DHX36: variants seen among roughly 807,000 people sequenced by gnomAD.
The protein encoded by DHX36 is DEAH-box helicase 36, also known as ATP-dependent DNA/RNA helicase DHX36.
In DHX36, 50 loss-of-function variants were observed where a neutral mutation model predicts 139.0. The ratio of observed to expected loss-of-function variants is 0.36; its 90% CI spans 0.29 to 0.46. DHX36 has a LOEUF of 0.46. DHX36 is among the 20% of genes least tolerant of loss of function. DHX36 has a pLI of 1.00. For missense variants in DHX36, 1,024 were observed against 1,211.3 expected (o/e 0.85, Z 2.29); for synonymous variants, 425 against 401.9 (o/e 1.06, Z -0.69).
At chr3:154,297,988 C>G (rs1712109466) in intron 12 of DHX36, among the ~76,000 whole-genome samples, 1 of 152,092 alleles carries the variant, frequency 6.6e-6, no homozygotes, top group Admixed American at 6.5e-5. Context: ...AATTTTCTCC[C>G]CATGATAGTG....
chr3:154,311,664 T>C lies in DHX36; in HGVS notation c.614A>G (p.Glu205Gly), dbSNP rs770821327. The C allele has an allele frequency of 1.9e-6, 3 of 1,596,572 alleles. No individual in the cohort carries two copies. The highest frequency in any genetic ancestry group is 2.6e-6 in the Non-Finnish European group (3 of 1,174,748). The change falls in exon 4 of 25, where the codon GAA becomes GGA. Residue 205 changes from glutamate (E) to glycine (G), a missense_variant. Physicochemically the swap from Glu to Gly is moderately conservative, Grantham distance 98. Around this residue, in one of 4 missense-constraint regions of DHX36, gnomAD observed 293 missense variants for 274.4 expected, o/e 1.07. Coordinates refer to ENST00000496811, the MANE Select transcript of DHX36 (RefSeq NM_020865.3). ...LRYIEMQHFR[E>G]KLPSYGMQKE... The stretch of plus-strand genomic sequence containing the variant: ...TTGCATTCCATACGAAGGCAGCTTT[T>C]CTCTGAAATGCTGAAATTTAAAAAA...
At chr3:154,285,237 T>G (rs1576858515) in intron 17 of DHX36, among the ~76,000 whole-genome samples, 1 of 152,046 alleles carries the variant, frequency 6.6e-6, no homozygotes, top group African/African-American at 2.4e-5. Flanking sequence ...ATACCAGAAA[T>G]GACAAACTTT....
At chr3:154,318,342 G>A (rs1450915870) in intron 1 of DHX36, among the ~76,000 whole-genome samples, 1 of 151,978 alleles carries the variant, frequency 6.6e-6, no homozygotes, top group Non-Finnish European at 1.5e-5. Context: ...TATCTGTTTA[G>A]TTAGAATATA....
chr3:154,287,510 C>A (rs1664885677), intron 17 of DHX36, among the ~76,000 whole-genome samples: 1 of 151,756 alleles, frequency 6.6e-6, no homozygotes, highest in Non-Finnish European at 1.5e-5. Context: ...CAAAAATTAG[C>A]CAGACATGGT....
intron 17 of DHX36, among the ~76,000 whole-genome samples, chr3:154,288,264 CA>C: frequency 6.8e-6 from 1 of 146,632 alleles, no homozygotes. Context: ...CCTCAAAGAA[CA>C]AAAAAACCAC....
chr3:154,316,408 T>A (rs1232844018), intron 1 of DHX36, among the ~76,000 whole-genome samples: 2 of 152,092 alleles, frequency 1.3e-5, no homozygotes, highest in Non-Finnish European at 2.9e-5. Flanking sequence ...CTAATATGAT[T>A]GGCAAAGAAA....
chr3:154,278,337 G>A (rs567179385), intron 22 of DHX36, among the ~76,000 whole-genome samples: 1 of 151,852 alleles, frequency 6.6e-6, no homozygotes, highest in East Asian at 1.9e-4. Context: ...ATTTGTAAAA[G>A]TCTTTAGTAT....
intron 14 of DHX36, among the ~76,000 whole-genome samples, chr3:154,293,285 C>A (rs1711894193): frequency 6.6e-6 from 1 of 152,220 alleles, no homozygotes. Flanking sequence ...GGTTAAAAAA[C>A]CCCCACAAAA....
In DHX36 at chr3:154,277,712, T is replaced by G. The variant is rs753284230; in HGVS notation, c.2574A>C (p.Lys858Asn). 1.3e-6 allele frequency: 2 copies of G among 1,597,384 alleles called. No individual in the cohort carries two copies. The highest frequency in any genetic ancestry group is 2.3e-5 in the South Asian group (2 of 87,600). Residue 858 changes from lysine (K) to asparagine (N), a missense_variant, in exon 23 of 25, where the codon AAA becomes AAC. Lys to Asn is a moderately conservative substitution (Grantham distance 94). Around this residue, in one of 4 missense-constraint regions of DHX36, gnomAD observed 470 missense variants for 616.2 expected, o/e 0.76. Coordinates refer to ENST00000496811, the MANE Select transcript of DHX36 (RefSeq NM_020865.3). ...LNLGKKRKMV[K>N]VYTKTDGLVA... The stretch of plus-strand genomic sequence containing the variant: ...CCAGGCCATCGGTTTTTGTGTAAAC[T>G]TTTACCCTTTAAAAAAAGTTAAAAT...
At position 154,273,889 on chromosome 3, in the gene DHX36, C is replaced by T. The variant is rs1719068415; in HGVS notation, c.*2282G>A. 2 of 152,170 alleles carry T rather than the reference C, an allele frequency of 1.3e-5. No homozygotes were observed. The highest frequency in any genetic ancestry group is 4.8e-5 in the African/African-American group (2 of 41,436). 9.4% of individuals were successfully genotyped at this position (152,170 alleles called of 1,614,324 possible). On this transcript the variant is annotated 3_prime_UTR_variant, in exon 25 of 25. Transcript: ENST00000496811. ...TTCCTGTTTCTTTCTGCAGCATGTC[C>T]AGCACTTTTACACCTTCTGTCAGAC...
intron 14 of DHX36, 46 bp from the exon 15 acceptor site, chr3:154,292,740 C>T (rs750665638): frequency 2.5e-6 from 4 of 1,583,614 alleles, no homozygotes; most frequent in South Asian, 1.1e-5. Context: ...CACACACACA[C>T]ACACACACAC....
chr3:154,317,055 C>T (rs1713016087), intron 1 of DHX36, among the ~76,000 whole-genome samples: 1 of 151,786 alleles, frequency 6.6e-6, no homozygotes, highest in Non-Finnish European at 1.5e-5. Context: ...AGTCAAAAAT[C>T]GAAAGAAAGA....
rs1290853684 is a variant in DHX36, at chr3:154,299,917, C to T, written c.1470G>A (p.Ala490=). The stretch of plus-strand genomic sequence containing the variant: ...CCCAGCCTGGCAGAAAGACCAGTAT[C>T]GCACCATCCTATATGAAGGGGAAAT... ...RYIVLEEEDG[A]ILVFLPGWDN... The change falls in exon 12 of 25, where the codon GCG becomes GCA. Residue 490 remains alanine, a synonymous_variant. Coordinates refer to ENST00000496811, the MANE Select transcript of DHX36 (RefSeq NM_020865.3). 9 of 1,610,944 alleles carry T rather than the reference C, an allele frequency of 5.6e-6. 1 individual carries two copies. The highest frequency in any genetic ancestry group is 2.2e-5 in the East Asian group (1 of 44,840).
At chr3:154,309,893 C>T (rs1167541281) in intron 4 of DHX36, 70 bp from the exon 5 acceptor site, 13 of 1,222,754 alleles carry the variant, frequency 1.1e-5, no homozygotes, top group East Asian at 5.3e-5. Flanking sequence ...AATCAAAATT[C>T]GACCAAACTG....
chr3:154,300,232 A>C (rs4303837), intron 11 of DHX36, among the ~76,000 whole-genome samples: 1 of 151,762 alleles, frequency 6.6e-6, no homozygotes, highest in Non-Finnish European at 1.5e-5. Flanking sequence ...CACGCCCAGC[A>C]AATTTTTGTA....
At chr3:154,287,142 A>T (rs1711572450) in intron 17 of DHX36, among the ~76,000 whole-genome samples, 1 of 152,232 alleles carries the variant, frequency 6.6e-6, no homozygotes, top group Non-Finnish European at 1.5e-5. Context: ...AACAAGGACA[A>T]AAAGAGATGA....
At chr3:154,317,314 A>G (rs1713024923) in intron 1 of DHX36, among the ~76,000 whole-genome samples, 1 of 152,208 alleles carries the variant, frequency 6.6e-6, no homozygotes, top group African/African-American at 2.4e-5. Flanking sequence ...GACTTGTAAT[A>G]ATGACTAGGT....
chr3:154,285,035 A>G, intron 17 of DHX36, 48 bp from the exon 18 acceptor site: 1 of 1,578,834 alleles, frequency 6.3e-7, no homozygotes, highest in Non-Finnish European at 8.6e-7. Context: ...AAAGCATTAC[A>G]TTTAAAACGA....
At chr3:154,287,041 A>T (rs964574287) in intron 17 of DHX36, among the ~76,000 whole-genome samples, 4 of 152,178 alleles carry the variant, frequency 2.6e-5, no homozygotes, top group Non-Finnish European at 5.9e-5. Flanking sequence ...ATGTGATACC[A>T]GCTCAGGAGA....
Sources: gnomAD v4.1 joint callset for allele counts (sites outside exome capture counted in the v4.1 genomes callset) on GRCh38, gnomAD v4.1.1 for gene constraint, gnomAD v4.1.1 regional missense constraint, MANE v1.5 for transcripts, NCBI Gene and HGNC (gene_info 2026-07-23, HGNC 2026-07-21) for gene names.